Variants in PATJ observed in about 807,000 individuals in gnomAD.
PATJ encodes inaD-like protein.
PATJ carries 190 observed loss-of-function variants against 224.9 expected under a neutral mutation model. That is an observed-to-expected ratio of 0.84 (90% CI 0.75 to 0.95). The LOEUF is 0.95. Ranked by LOEUF, PATJ falls within the 40% of genes least tolerant of loss-of-function variation. The probability of loss-of-function intolerance (pLI) is 0.00; values close to 1 mark genes in which losing one functional copy is unlikely to be tolerated. For missense variants in PATJ, 2,121 were observed against 2,270.3 expected (o/e 0.93, Z 1.34); for synonymous variants, 769 against 820.3 (o/e 0.94, Z 1.07).
rs145421560 is a variant in PATJ at position 61,952,969 on chromosome 1, A to G, written c.3670+25140A>G. ...TTTCTAAATTGTAAAATAACACATT[A>G]ATTATTTTATTTGCTAGTTGTGTTT... On this transcript the variant is annotated intron_variant, in intron 27 of 43. Coordinates refer to ENST00000642238, the MANE Select transcript of PATJ (RefSeq NM_001350145.3). Among the ~76,000 whole-genome samples, 6 of 152,288 alleles carry G rather than the reference A, an allele frequency of 3.9e-5. No homozygotes were observed. In the East Asian group the frequency reaches 7.7e-4, roughly 20 times the overall value.
At chr1:61,787,131 C>T (rs1325038764) in intron 7 of PATJ, among the ~76,000 whole-genome samples, 2 of 152,158 alleles carry the variant, frequency 1.3e-5, no homozygotes, top group Non-Finnish European at 2.9e-5. Flanking sequence ...CTATTGTTTC[C>T]TCTTCTGTAG....
intron 16 of PATJ, 84 bp downstream of exon 16, chr1:61,827,667 G>A: frequency 1.5e-6 from 2 of 1,311,382 alleles, no homozygotes. Context: ...TAAGAAGGGA[G>A]GGGAAACCAT....
At chr1:61,962,772 G>A (rs116795512) in intron 27 of PATJ, among the ~76,000 whole-genome samples, 4 of 152,296 alleles carry the variant, frequency 2.6e-5, no homozygotes, top group East Asian at 1.9e-4. Flanking sequence ...ATTGCACAGC[G>A]TCTGAGACCT....
intron 31 of PATJ, among the ~76,000 whole-genome samples, chr1:62,061,022 C>CT (rs1361385568): frequency 6.6e-6 from 1 of 151,260 alleles, no homozygotes; most frequent in African/African-American, 2.4e-5. Context: ...ACAGGGGGTA[C>CT]ATGTGCAGGT....
rs557978080 is a variant in PATJ at position 61,766,514 on chromosome 1, C to A, written c.384+41C>A. On this transcript the variant is annotated intron_variant, in intron 4 of 43. Transcript: ENST00000642238. ...CTCATGGAAATATTTAGCTTCATTTCTCCTGTTTTAGTTTTACAAAGGAGC... is the reference window on the plus strand; with the variant it reads ...CTCATGGAAATATTTAGCTTCATTTATCCTGTTTTAGTTTTACAAAGGAGC... 57 of 1,406,224 alleles carry A rather than the reference C, an allele frequency of 4.1e-5. No individual in the cohort carries two copies. The Admixed American group carries it at 4.4e-4, about 11-fold the overall frequency. 87.1% of individuals were successfully genotyped at this position (1,406,224 alleles called of 1,614,324 possible).
At chr1:61,904,608 T>C (rs1422529619) in intron 24 of PATJ, among the ~76,000 whole-genome samples, 1 of 152,252 alleles carries the variant, frequency 6.6e-6, no homozygotes, top group Non-Finnish European at 1.5e-5. Flanking sequence ...TCAACTGCTA[T>C]GAAGAAATAC....
At chr1:62,010,166 C>T (rs905310417) in intron 28 of PATJ, among the ~76,000 whole-genome samples, 1 of 151,816 alleles carries the variant, frequency 6.6e-6, no homozygotes. Flanking sequence ...CAAGTCTGAT[C>T]GTGAGATTGT....
At chr1:61,906,635 C>G (rs1671898003) in intron 24 of PATJ, among the ~76,000 whole-genome samples, 1 of 152,304 alleles carries the variant, frequency 6.6e-6, no homozygotes, top group South Asian at 2.1e-4. Context: ...TGGTTGGTGG[C>G]TCCAACCCCT....
chr1:61,973,080 A>G lies in PATJ; in HGVS notation c.3671-17088A>G, dbSNP rs192268532. 2.0e-5 allele frequency among the ~76,000 whole-genome samples: 3 copies of G among 152,232 alleles called. No homozygotes were observed. The East Asian group carries it at 5.8e-4, about 29-fold the overall frequency. ...AGTGTATTAATTAGAAATTTTTATT[A>G]ATAAATAGCCTGTTTCTTGACCAAT... On this transcript the variant is annotated intron_variant, in intron 27 of 43. Transcript: ENST00000642238.
At chr1:61,990,427 T>C in intron 28 of PATJ, 63 bp downstream of exon 28, 4 of 1,161,280 alleles carry the variant, frequency 3.4e-6, no homozygotes, top group Admixed American at 5.4e-5. Context: ...GGATGTTGTA[T>C]AGGAAAATGA....
intron 22 of PATJ, among the ~76,000 whole-genome samples, chr1:61,898,923 A>C (rs1670740170): frequency 6.6e-6 from 1 of 151,604 alleles, no homozygotes; most frequent in African/African-American, 2.4e-5. Context: ...AGTAGCTGGG[A>C]CTACAGGCAT....
At chr1:62,057,019 G>A (rs1441601936) in intron 31 of PATJ, among the ~76,000 whole-genome samples, 1 of 152,224 alleles carries the variant, frequency 6.6e-6, no homozygotes, top group East Asian at 1.9e-4. Flanking sequence ...TTGAGACAGG[G>A]TTTCACCATG....
At chr1:61,894,028 G>C (rs1335328021) in intron 22 of PATJ, among the ~76,000 whole-genome samples, 1 of 152,004 alleles carries the variant, frequency 6.6e-6, no homozygotes, top group Non-Finnish European at 1.5e-5. Flanking sequence ...GCTGAGGCGG[G>C]CAGATCACCT....
intron 31 of PATJ, among the ~76,000 whole-genome samples, chr1:62,063,100 G>T (rs183737823): frequency 9.2e-5 from 14 of 152,262 alleles, no homozygotes; most frequent in Admixed American, 9.2e-4. Flanking sequence ...GTACAGAAGG[G>T]CATTTCCTAG....
At chr1:61,754,520 G>GGTTT (rs1645514786) in intron 1 of PATJ, among the ~76,000 whole-genome samples, 1 of 94,448 alleles carries the variant, frequency 1.1e-5, no homozygotes, top group African/African-American at 3.8e-5. Flanking sequence ...TTTTTTGCAT[G>GGTTT]TTTTTTTTTT....
chr1:61,807,170 CA>C (rs1370688320), intron 13 of PATJ, among the ~76,000 whole-genome samples: 1 of 151,824 alleles, frequency 6.6e-6, no homozygotes, highest in Non-Finnish European at 1.5e-5. Flanking sequence ...CAAAACAAAA[CA>C]AAAAACAAAA....
chr1:61,901,304 A>C lies in PATJ; in HGVS notation c.3226A>C (p.Asn1076His). The C allele has an allele frequency of 6.5e-7, 1 of 1,537,400 alleles. No homozygotes were observed. The highest frequency in any genetic ancestry group is 8.7e-7 in the Non-Finnish European group (1 of 1,153,260). ...PRIVEIFREP[N>H]VSLGISIVGG... ...TAGTGTTGAGATTTTTAGAGAACCC[A>C]ATGTGTCTCTTGGGATCAGTATTGT... is the stretch of plus-strand genomic sequence containing the variant. The change falls in exon 24 of 44, where the codon AAT (asparagine) becomes CAT (histidine). Residue 1076 changes from asparagine to histidine, a missense_variant. Asn to His is a moderately conservative substitution (Grantham distance 68, BLOSUM62 1). Transcript: ENST00000642238.
chr1:62,142,839 A>G (rs1667637728), intron 41 of PATJ, among the ~76,000 whole-genome samples: 2 of 152,210 alleles, frequency 1.3e-5, no homozygotes, highest in African/African-American at 4.8e-5. Context: ...AGACAGGATT[A>G]GAGGAGTAGG....
intron 39 of PATJ, among the ~76,000 whole-genome samples, chr1:62,126,325 T>G (rs1434422645): frequency 1.3e-5 from 2 of 152,132 alleles, no homozygotes; most frequent in Non-Finnish European, 2.9e-5. Context: ...AAAATAAAAC[T>G]GGGAACTTCC....
Sources: gnomAD v4.1 joint callset for allele counts (sites outside exome capture counted in the v4.1 genomes callset) on GRCh38, gnomAD v4.1.1 for gene constraint, MANE v1.5 for transcripts, NCBI Gene and HGNC (gene_info 2026-07-23, HGNC 2026-07-21) for gene names.